The following HLX variants were observed in gnomAD, a reference collection of about 807,000 sequenced individuals.
The protein encoded by HLX is H2.0-like homeobox protein.
A neutral mutation model predicts 27.7 loss-of-function variants in HLX; 6 were observed. The observed-to-expected ratio is 0.22, with a 90% CI of 0.12 to 0.43. HLX has a LOEUF of 0.43. Among genes scored for constraint, HLX ranks in the 20% least tolerant of loss-of-function variants. The pLI, the probability that HLX is intolerant of heterozygous loss-of-function variation, is 1.00. For synonymous variants in HLX, 328 were observed against 293.8 expected (o/e 1.12, Z -1.19); for missense variants, 666 against 655.2 (o/e 1.02, Z -0.18).
Position 220,884,823 on chromosome 1 carries a change from C to T in HLX, c.*119C>T. 1 of 1,451,498 alleles carries T rather than the reference C, an allele frequency of 6.9e-7. No individual in the cohort carries two copies. The highest frequency in any genetic ancestry group is 9.2e-7 in the Non-Finnish European group (1 of 1,088,562). The allele number at this position is 1,451,498 out of a possible 1,614,324, so 89.9% of individuals were successfully genotyped here. A position where few individuals can be genotyped will look rare whatever the true frequency, so the allele number is the denominator to read the frequency against. On this transcript the variant is annotated 3_prime_UTR_variant, in exon 4 of 4. Coordinates refer to ENST00000366903, the MANE Select transcript of HLX (RefSeq NM_021958.4). The surrounding 1 kb of genome is among the most constrained non-coding windows in gnomAD (Gnocchi z 4.9). ...GCAGGAGACGCAGCGTGGAGCCTAC[C>T]TCCCGACATTCACGCTTCGCCCCAC...
At position 220,882,158 on chromosome 1, in the gene HLX, C is replaced by G; in HGVS notation, c.773-6C>G. ...TTTCTTCCCTCTGGCTCCCGTTCTG[C>G]GGCAGGTCCCTATGCTGTGCTCACG... On this transcript the variant is annotated splice_region_variant and splice_polypyrimidine_tract_variant and intron_variant, in intron 2 of 3. Transcript: ENST00000366903. The G allele has an allele frequency of 1.9e-6, 3 of 1,613,776 alleles. No individual in the cohort carries two copies. The highest frequency in any genetic ancestry group is 2.2e-5 in the South Asian group (2 of 91,036).
rs1479718131 is a variant in HLX at position 220,881,389 on chromosome 1, A to G, written c.772+16A>G. 1 of 1,606,162 alleles carries G rather than the reference A, an allele frequency of 6.2e-7. No individual in the cohort carries two copies. The highest frequency in any genetic ancestry group is 2.2e-5 in the East Asian group (1 of 44,858). ...ACGTTTCCAGGTACGGAAAAACTCCAGAGTACTGCCTAACGGGCGAGCCGA... is the reference window on the plus strand; with the variant it reads ...ACGTTTCCAGGTACGGAAAAACTCCGGAGTACTGCCTAACGGGCGAGCCGA... On this transcript the variant is annotated intron_variant, in intron 2 of 3. Transcript: ENST00000366903.
Position 220,884,057 on chromosome 1 carries a change from TG to T in HLX, c.958-136del. The T allele has an allele frequency of 1.2e-6, 1 of 856,030 alleles. No individual in the cohort carries two copies. Among genetic ancestry groups the T allele is most frequent in the Non-Finnish European group, 1.9e-6 (1 of 524,662 alleles). The allele number at this position is 856,030 out of a possible 1,614,324, so 53.0% of individuals were successfully genotyped here. A position where few individuals can be genotyped will look rare whatever the true frequency, so the allele number is the denominator to read the frequency against. On this transcript the variant is annotated intron_variant, in intron 3 of 3. Transcript: ENST00000366903. The surrounding 1 kb of genome is among the most constrained non-coding windows in gnomAD (Gnocchi z 4.9). ...TGGCTCCTGCGCCTACCACAGTGTC[TG>T]GTCCTTGGTAGAGTCGCCAAGTAAG... is the stretch of plus-strand genomic sequence containing the variant.
chr1:220,881,763 AACACACACACAC>A (rs71167242), intron 2 of HLX: 43,584 of 305,916 alleles, frequency 0.14, 1,962 homozygotes, highest in Admixed American at 0.2. Flanking sequence ...TGCGGGAATA[AACACACACACAC>A]ACACACACAC....
intron 3 of HLX, chr1:220,883,359 T>A (rs1459153024): frequency 6.5e-6 from 1 of 152,960 alleles, no homozygotes. Flanking sequence ...TTCCACCAGC[T>A]GTGGATGTTA....
intron 3 of HLX, chr1:220,883,918 A>G (rs1674511599): frequency 3.9e-6 from 2 of 514,638 alleles, no homozygotes; most frequent in East Asian, 3.3e-5. Flanking sequence ...TGCCTTTCCA[A>G]CAGTCACTCA....
intron 2 of HLX, 147 bp downstream of exon 2, chr1:220,881,520 T>G (rs1382181134): frequency 9.2e-6 from 7 of 760,404 alleles, no homozygotes; most frequent in Non-Finnish European, 1.6e-5. Flanking sequence ...AACCGAAAGA[T>G]TTCTCAGCGA....
At position 220,884,762 on chromosome 1, in the gene HLX, G is replaced by T; in HGVS notation, c.*58G>T. On this transcript the variant is annotated 3_prime_UTR_variant, in exon 4 of 4. Coordinates refer to ENST00000366903, the MANE Select transcript of HLX (RefSeq NM_021958.4). This position sits in a 1 kb window ranked among gnomAD's most constrained non-coding sequence, Gnocchi z 4.9. ...CGTGCAGCCTCCCAACCATGGGCTG[G>T]GTTTTGTGCTTACTGTATGTTGGCG... is the stretch of plus-strand genomic sequence containing the variant. 1 of 1,581,850 alleles carries T rather than the reference G, an allele frequency of 6.3e-7. No homozygotes were observed. Among genetic ancestry groups the T allele is most frequent in the Non-Finnish European group, 8.5e-7 (1 of 1,170,170 alleles).
At position 220,884,231 on chromosome 1, in the gene HLX, C is replaced by T; in HGVS notation, c.994C>T (p.Arg332Trp). ...GTTCCAGAACCGGCGGATGAAGTGGCGGCACTCCAAGGAGGCCCAGGCCCA... is the reference window on the plus strand; with the variant it reads ...GTTCCAGAACCGGCGGATGAAGTGGTGGCACTCCAAGGAGGCCCAGGCCCA... ...VWFQNRRMKW[R>W]HSKEAQAQKD... The change falls in exon 4 of 4, where the codon CGG (arginine) becomes TGG (tryptophan). Residue 332 changes from arginine (R) to tryptophan (W), a missense_variant. Coordinates refer to ENST00000366903, the MANE Select transcript of HLX (RefSeq NM_021958.4). This position sits in a 1 kb window ranked among gnomAD's most constrained non-coding sequence, Gnocchi z 4.9. 1 of 1,613,820 alleles carries T rather than the reference C, an allele frequency of 6.2e-7. No individual in the cohort carries two copies. The highest frequency in any genetic ancestry group is 8.5e-7 in the Non-Finnish European group (1 of 1,179,992).
In HLX at chr1:220,880,176, G is replaced by T. The variant is rs1259016208; in HGVS notation, c.319G>T (p.Gly107Cys). The part of the protein sequence containing the change: ...PVVAPSEVPA[G>C]FPQRLSPLSA... ...GGTGGCGCCCTCCGAAGTCCCGGCT[G>T]GCTTCCCGCAGCGGCTGTCTCCGCT... Residue 107 changes from glycine to cysteine, a missense_variant, in exon 1 of 4, where the codon GGC (glycine) becomes TGC (cysteine). Physicochemically the swap from Gly to Cys is radical, Grantham distance 159. Transcript: ENST00000366903. The T allele has an allele frequency of 6.2e-7, 1 of 1,612,880 alleles. No individual in the cohort carries two copies.
Position 220,879,557 on chromosome 1 carries a change from C to G in HLX, c.-301C>G. The stretch of plus-strand genomic sequence containing the variant: ...GTGTCCGGCTCCCGTCTCCCTGGCT[C>G]CCCCGCCCGCCCTGCGGCCCCAGCG... On this transcript the variant is annotated 5_prime_UTR_variant, in exon 1 of 4. Transcript: ENST00000366903. 1 of 467,496 alleles carries G rather than the reference C, an allele frequency of 2.1e-6. No individual in the cohort carries two copies. The highest frequency in any genetic ancestry group is 3.8e-6 in the Non-Finnish European group (1 of 265,904). 29.0% of individuals were successfully genotyped at this position (467,496 alleles called of 1,614,324 possible).
chr1:220,879,899 C>T lies in HLX; in HGVS notation c.42C>T (p.Phe14=). 6.3e-7 allele frequency: 1 copy of T among 1,593,954 alleles called. No individual in the cohort carries two copies. Among genetic ancestry groups the T allele is most frequent in the Non-Finnish European group, 8.5e-7 (1 of 1,176,250 alleles). The stretch of plus-strand genomic sequence containing the variant: ...TGGCTCCCTTCTACGCCTCCAACTT[C>T]AGCCTCTGGTCGGCCGCTTACTGCT... ...AGLAPFYASN[F]SLWSAAYCSS... The change falls in exon 1 of 4, where the codon TTC becomes TTT. Residue 14 remains phenylalanine (F), a synonymous_variant. Coordinates refer to ENST00000366903, the MANE Select transcript of HLX (RefSeq NM_021958.4).
At position 220,879,850 on chromosome 1, in the gene HLX, C is replaced by A; in HGVS notation, c.-8C>A. ...GACTGCGGCAGCCGCGCGGCTCACC[C>A]CGGCAGGATGTTCGCAGCCGGGCTG... is the stretch of plus-strand genomic sequence containing the variant. On this transcript the variant is annotated 5_prime_UTR_variant, in exon 1 of 4. Coordinates refer to ENST00000366903, the MANE Select transcript of HLX (RefSeq NM_021958.4). 2 of 1,568,840 alleles carry A rather than the reference C, an allele frequency of 1.3e-6. No homozygotes were observed. Among genetic ancestry groups the A allele is most frequent in the South Asian group, 1.1e-5 (1 of 87,438 alleles).
At position 220,882,307 on chromosome 1, in the gene HLX, C is replaced by G. The variant is rs1411197044; in HGVS notation, c.916C>G (p.Arg306Gly). ...TCAGAAGTACGTGACCAAGCCGGAC[C>G]GAAAGCAGCTGGCGGCGATGCTGGG... Reference protein sequence around the residue: ...EIQKYVTKPDRKQLAAMLGLT... With the variant: ...EIQKYVTKPDGKQLAAMLGLT... Residue 306 changes from arginine (R) to glycine (G), a missense_variant, in exon 3 of 4, where the codon CGA becomes GGA. Transcript: ENST00000366903. 8 of 1,614,224 alleles carry G rather than the reference C, an allele frequency of 5.0e-6. No individual in the cohort carries two copies. Among genetic ancestry groups the G allele is most frequent in the Non-Finnish European group, 6.8e-6 (8 of 1,180,048 alleles).
chr1:220,882,060 G>C (rs762866611), intron 2 of HLX, 104 bp from the exon 3 acceptor site: 11 of 1,039,464 alleles, frequency 1.1e-5, no homozygotes, highest in Non-Finnish European at 1.7e-5. Context: ...CAGTTAACAC[G>C]AAACAGTTTC....
chr1:220,881,704 A>C (rs1017338526), intron 2 of HLX: 2 of 423,602 alleles, frequency 4.7e-6, no homozygotes, highest in African/African-American at 4.1e-5. Context: ...TTTTGGGATG[A>C]CCTCAAACAC....
chr1:220,881,514 G>T, intron 2 of HLX, 141 bp downstream of exon 2: 2 of 783,542 alleles, frequency 2.6e-6, no homozygotes, highest in Non-Finnish European at 4.4e-6. Context: ...GAGAGAAACC[G>T]AAAGATTTCT....
chr1:220,880,290 G>A lies in HLX; in HGVS notation c.433G>A (p.Gly145Ser). 1.9e-6 allele frequency: 3 copies of A among 1,609,854 alleles called. No individual in the cohort carries two copies. Among genetic ancestry groups the A allele is most frequent in the Non-Finnish European group, 2.5e-6 (3 of 1,179,360 alleles). ...QQQPPPPPRA[G>S]ALQPPASGTR... is the part of the protein sequence containing the mutation. ...ACAGCCTCCGCCTCCGCCCCGGGCT[G>A]GCGCCCTGCAGCCCCCGGCCTCGGG... The change falls in exon 1 of 4, where the codon GGC (glycine) becomes AGC (serine). Residue 145 changes from glycine to serine, a missense_variant. By Grantham distance (56) the Gly-to-Ser change is moderately conservative (BLOSUM62 0). Transcript: ENST00000366903.
At chr1:220,882,457 C>G in intron 3 of HLX, 109 bp downstream of exon 3, 2 of 971,166 alleles carry the variant, frequency 2.1e-6, no homozygotes, top group Admixed American at 2.2e-5. Flanking sequence ...GCGGTGCAAA[C>G]GCAAGATCTT....
Sources: allele counts gnomAD v4.1 joint callset, GRCh38; gene constraint gnomAD v4.1.1; non-coding constraint Gnocchi (gnomAD v3.1); transcripts MANE v1.5; gene names NCBI Gene and HGNC (gene_info 2026-07-23, HGNC 2026-07-21).